The following ARID2 variants were observed in gnomAD, a reference collection of about 807,000 sequenced individuals.
ARID2 encodes AT-rich interaction domain 2.
A neutral mutation model predicts 184.6 loss-of-function variants in ARID2; 32 were observed. That is an observed-to-expected ratio of 0.17 (90% CI 0.13 to 0.23). The LOEUF (loss-of-function observed/expected upper bound fraction) is 0.23. Among genes scored for constraint, ARID2 ranks in the 10% least tolerant of loss-of-function variants. ARID2 has a pLI of 1.00. For synonymous variants in ARID2, 836 were observed against 772.6 expected (o/e 1.08, Z -1.36); for missense variants, 1,696 against 2,197.6 (o/e 0.77, Z 4.56).
chr12:45,835,233 A>G (rs1254163652), intron 6 of ARID2, among the ~76,000 whole-genome samples: 1 of 152,098 alleles, frequency 6.6e-6, no homozygotes, highest in Non-Finnish European at 1.5e-5. Context: ...TTCCTTTGCC[A>G]AAATTTTTAG....
intron 16 of ARID2, among the ~76,000 whole-genome samples, chr12:45,867,467 G>A (rs966615179): frequency 2.6e-5 from 4 of 151,654 alleles, no homozygotes; most frequent in Admixed American, 6.6e-5. Flanking sequence ...TGCTGGCCGG[G>A]CGCAGTGGCT....
At chr12:45,814,475 C>A (rs1942768997) in intron 4 of ARID2, among the ~76,000 whole-genome samples, 1 of 152,066 alleles carries the variant, frequency 6.6e-6, no homozygotes, top group African/African-American at 2.4e-5. Flanking sequence ...CATGGTGAAA[C>A]CCTGTTTCTA....
intron 16 of ARID2, among the ~76,000 whole-genome samples, chr12:45,865,377 C>A (rs1565630222): frequency 6.6e-6 from 1 of 151,962 alleles, no homozygotes; most frequent in Non-Finnish European, 1.5e-5. Context: ...CTCATTTTTT[C>A]AATTAATCAT....
chr12:45,849,901 CTATTACCA>C (rs1299400623), intron 14 of ARID2, 125 bp downstream of exon 14: 67 of 1,408,930 alleles, frequency 4.8e-5, no homozygotes, highest in Non-Finnish European at 6.1e-5. Context: ...CTTACTTGGT[CTATTACCA>C]TATTCATATG....
At chr12:45,753,530 ATAGTT>A (rs2137997841) in intron 3 of ARID2, among the ~76,000 whole-genome samples, 1 of 152,334 alleles carries the variant, frequency 6.6e-6, no homozygotes, top group South Asian at 2.1e-4. Flanking sequence ...TGTCTGGTAT[ATAGTT>A]TAATCTATAA....
chr12:45,761,584 G>T (rs557535464), intron 3 of ARID2, among the ~76,000 whole-genome samples: 2 of 152,130 alleles, frequency 1.3e-5, no homozygotes, highest in South Asian at 4.2e-4. Flanking sequence ...CTGAAATCTG[G>T]TATCAGTTTG....
chr12:45,887,989 A>AT (rs1161407708), intron 16 of ARID2, among the ~76,000 whole-genome samples: 1 of 152,136 alleles, frequency 6.6e-6, no homozygotes, highest in African/African-American at 2.4e-5. Context: ...AGGTCAGGAG[A>AT]TTGAGACCAT....
At chr12:45,840,166 CT>C (rs1943316672) in intron 11 of ARID2, 1 of 152,026 alleles carries the variant, frequency 6.6e-6, no homozygotes, top group Admixed American at 6.6e-5. Flanking sequence ...TTTTGGAGTG[CT>C]TTCTCTACCT....
intron 16 of ARID2, chr12:45,874,346 G>A (rs1592135362): frequency 6.0e-6 from 1 of 165,654 alleles, no homozygotes; most frequent in South Asian, 1.7e-4. Context: ...AAAAAAAAAA[G>A]ATTGAGTCAG....
intron 16 of ARID2, among the ~76,000 whole-genome samples, chr12:45,864,920 T>C (rs1943810058): frequency 6.6e-6 from 1 of 152,222 alleles, no homozygotes; most frequent in African/African-American, 2.4e-5. Flanking sequence ...AGTTGCTCAC[T>C]ATCACCCTGC....
intron 16 of ARID2, among the ~76,000 whole-genome samples, chr12:45,868,212 A>C (rs1943861946): frequency 6.6e-6 from 1 of 152,170 alleles, no homozygotes; most frequent in African/African-American, 2.4e-5. Flanking sequence ...AGGCCAAGGC[A>C]GGCAGATCAC....
intron 20 of ARID2, among the ~76,000 whole-genome samples, chr12:45,901,406 G>A (rs772990683): frequency 1.3e-5 from 2 of 151,622 alleles, no homozygotes; most frequent in African/African-American, 2.4e-5. Context: ...TCCTGACCTC[G>A]TGATCCGCCC....
intron 15 of ARID2, among the ~76,000 whole-genome samples, chr12:45,853,757 T>TCTGGC (rs1298495454): frequency 6.6e-6 from 1 of 152,228 alleles, no homozygotes; most frequent in Non-Finnish European, 1.5e-5. Flanking sequence ...CTGACACAGT[T>TCTGGC]CTGGCTTGGG....
chr12:45,795,626 C>T (rs935626853), intron 3 of ARID2, among the ~76,000 whole-genome samples: 4 of 151,846 alleles, frequency 2.6e-5, no homozygotes, highest in Admixed American at 2.0e-4. Context: ...TTACTAGAGA[C>T]GGGGTTTCAC....
chr12:45,816,039 A>T (rs1373296495), intron 4 of ARID2, among the ~76,000 whole-genome samples: 2 of 152,130 alleles, frequency 1.3e-5, no homozygotes, highest in African/African-American at 4.8e-5. Context: ...GAAAAAATGT[A>T]CTTGTGATAT....
chr12:45,903,102 A>T (rs972742504), intron 20 of ARID2, among the ~76,000 whole-genome samples: 7 of 152,190 alleles, frequency 4.6e-5, no homozygotes, highest in Non-Finnish European at 1.0e-4. Context: ...GTGACACCAG[A>T]GGTTCATTTT....
At chr12:45,876,660 T>C (rs1458413797) in intron 16 of ARID2, among the ~76,000 whole-genome samples, 1 of 150,462 alleles carries the variant, frequency 6.6e-6, no homozygotes, top group Non-Finnish European at 1.5e-5. Context: ...ATAACAGATA[T>C]AGTAATAATG....
At chr12:45,765,285 GC>G (rs1941750910) in intron 3 of ARID2, among the ~76,000 whole-genome samples, 1 of 151,906 alleles carries the variant, frequency 6.6e-6, no homozygotes, top group Non-Finnish European at 1.5e-5. Flanking sequence ...TTGGCTCATT[GC>G]AGCCTCGACT....
intron 16 of ARID2, among the ~76,000 whole-genome samples, chr12:45,878,098 C>T (rs1403286920): frequency 6.6e-6 from 1 of 152,160 alleles, no homozygotes; most frequent in Admixed American, 6.5e-5. Context: ...TATTCTTCTC[C>T]TTGTCCTTCC....
Sources: allele counts gnomAD v4.1 joint callset (sites outside exome capture counted in the v4.1 genomes callset), GRCh38; gene constraint gnomAD v4.1.1; transcripts MANE v1.5; gene names NCBI Gene and HGNC (gene_info 2026-07-23, HGNC 2026-07-21).